DENND1A: variants seen among roughly 807,000 people sequenced by gnomAD.
The protein encoded by DENND1A is DENN domain-containing protein 1A.
Under a neutral mutation model 113.7 loss-of-function variants are expected in DENND1A, and 51 were observed. That is an observed-to-expected ratio of 0.45 (90% CI 0.36 to 0.57). The LOEUF (loss-of-function observed/expected upper bound fraction) is 0.57, where lower values mean the gene tolerates loss of function less well. Among genes scored for constraint, DENND1A ranks in the 20% least tolerant of loss-of-function variants. The pLI is 0.00. For synonymous variants in DENND1A, 565 were observed against 570.8 expected (o/e 0.99, Z 0.14); for missense variants, 1,258 against 1,395.9 (o/e 0.90, Z 1.57).
chr9:123,854,538 T>C (rs552746070), intron 2 of DENND1A, among the ~76,000 whole-genome samples: 3 of 151,700 alleles, frequency 2.0e-5, no homozygotes, highest in South Asian at 4.2e-4. Flanking sequence ...CTACTAAAAA[T>C]ACAAAAATTA....
chr9:123,489,363 T>C (rs777896478), intron 13 of DENND1A, among the ~76,000 whole-genome samples: 4 of 152,196 alleles, frequency 2.6e-5, no homozygotes, highest in Non-Finnish European at 5.9e-5. Flanking sequence ...ATCCTGGCAC[T>C]GAGTAGATGA....
At chr9:123,484,567 A>C (rs1336922669) in intron 13 of DENND1A, among the ~76,000 whole-genome samples, 2 of 152,038 alleles carry the variant, frequency 1.3e-5, no homozygotes, top group African/African-American at 4.8e-5. Flanking sequence ...TGCATTTAGG[A>C]CCCTGCCCCG....
chr9:123,436,565 C>T lies in DENND1A; in HGVS notation c.1488+3795G>A, dbSNP rs183642061. ...AGTAATTTAAAGCCTCTCTAAACTGCGACATCTTCCAAGGCAGGAATAGGC... is the reference window on the plus strand; with the variant it reads ...AGTAATTTAAAGCCTCTCTAAACTGTGACATCTTCCAAGGCAGGAATAGGC... On this transcript the variant is annotated intron_variant, in intron 19 of 23. Coordinates refer to ENST00000394215, the MANE Select transcript of DENND1A (RefSeq NM_001352964.2). 7.2e-4 allele frequency among the ~76,000 whole-genome samples: 109 copies of T among 152,230 alleles called. 2 individuals carry two copies. The highest frequency in any genetic ancestry group is 2.8e-4 in the Non-Finnish European group (19 of 68,004).
chr9:123,387,551 G>A (rs1342267735), intron 22 of DENND1A, among the ~76,000 whole-genome samples, 179 bp downstream of exon 22: 1 of 152,202 alleles, frequency 6.6e-6, no homozygotes, highest in Non-Finnish European at 1.5e-5. Flanking sequence ...GATGCCCTGA[G>A]AGGTGGCACG....
intron 13 of DENND1A, among the ~76,000 whole-genome samples, chr9:123,544,110 C>T (rs936278519): frequency 3.3e-5 from 5 of 152,136 alleles, no homozygotes; most frequent in African/African-American, 1.2e-4. Context: ...CAATAATTTG[C>T]TTTTGTAAAA....
intron 13 of DENND1A, among the ~76,000 whole-genome samples, chr9:123,464,992 T>C (rs1372579327): frequency 5.2e-5 from 1 of 19,346 alleles, no homozygotes; most frequent in Non-Finnish European, 1.1e-4. Flanking sequence ...CTACTAAAAA[T>C]ACAAAAAAAA....
chr9:123,584,842 A>T (rs1031879471), intron 11 of DENND1A, among the ~76,000 whole-genome samples: 1 of 151,930 alleles, frequency 6.6e-6, no homozygotes, highest in Admixed American at 6.6e-5. Flanking sequence ...GAGCCCCAGC[A>T]CCTCTCTGCC....
intron 2 of DENND1A, among the ~76,000 whole-genome samples, chr9:123,820,823 T>C (rs1385007618): frequency 1.3e-5 from 2 of 152,244 alleles, no homozygotes; most frequent in African/African-American, 2.4e-5. Context: ...GATTTTCTTG[T>C]GGAGCTTCAA....
chr9:123,686,556 A>G (rs1053690016), intron 5 of DENND1A, among the ~76,000 whole-genome samples: 1 of 152,212 alleles, frequency 6.6e-6, no homozygotes, highest in Admixed American at 6.5e-5. Context: ...CTCCAGGGAC[A>G]CTAGTCATGT....
At chr9:123,427,243 G>A (rs888858210) in intron 19 of DENND1A, among the ~76,000 whole-genome samples, 4 of 152,238 alleles carry the variant, frequency 2.6e-5, no homozygotes, top group South Asian at 4.1e-4. Context: ...CACTCACCAC[G>A]AGAATGTTAG....
intron 1 of DENND1A, among the ~76,000 whole-genome samples, chr9:123,914,601 G>A (rs1854733719): frequency 6.6e-6 from 1 of 151,464 alleles, no homozygotes; most frequent in African/African-American, 2.4e-5. Flanking sequence ...AAGAAAAGAG[G>A]TTTAATTGGC....
At chr9:123,770,252 A>C (rs1829513808) in intron 3 of DENND1A, among the ~76,000 whole-genome samples, 1 of 152,194 alleles carries the variant, frequency 6.6e-6, no homozygotes, top group African/African-American at 2.4e-5. Context: ...ATCTAAAGCA[A>C]ACTACCAGTT....
chr9:123,452,921 A>G (rs1270075924), intron 16 of DENND1A, among the ~76,000 whole-genome samples: 8 of 152,130 alleles, frequency 5.3e-5, no homozygotes, highest in Non-Finnish European at 1.5e-5. Flanking sequence ...TGAAAAAAGG[A>G]AAGAATGAAT....
intron 13 of DENND1A, among the ~76,000 whole-genome samples, chr9:123,518,533 T>C (rs1020067652): frequency 6.6e-6 from 1 of 152,188 alleles, no homozygotes; most frequent in Non-Finnish European, 1.5e-5. Context: ...CTCAGCTAAA[T>C]GCTGTGACCC....
At chr9:123,544,843 A>T (rs1042711305) in intron 13 of DENND1A, among the ~76,000 whole-genome samples, 3 of 152,138 alleles carry the variant, frequency 2.0e-5, no homozygotes, top group Non-Finnish European at 4.4e-5. Flanking sequence ...TCACGCCTGT[A>T]ATCCCAGCAC....
chr9:123,436,180 A>G (rs2132233369), intron 19 of DENND1A, among the ~76,000 whole-genome samples: 1 of 152,210 alleles, frequency 6.6e-6, no homozygotes, highest in Non-Finnish European at 1.5e-5. Flanking sequence ...CTCTTGTTCA[A>G]CCCCTCCCAG....
At chr9:123,704,493 A>G (rs1269539276) in intron 5 of DENND1A, among the ~76,000 whole-genome samples, 1 of 152,208 alleles carries the variant, frequency 6.6e-6, no homozygotes, top group African/African-American at 2.4e-5. Context: ...AAATTCACCC[A>G]TCGTGGTCTC....
chr9:123,483,119 G>C (rs549013543), intron 13 of DENND1A, among the ~76,000 whole-genome samples: 17 of 152,294 alleles, frequency 1.1e-4, no homozygotes, highest in Admixed American at 3.3e-4. Context: ...GGCTTTAGGA[G>C]ACAAGAGTTG....
chr9:123,643,189 T>G (rs576329536), intron 9 of DENND1A, among the ~76,000 whole-genome samples: 3 of 152,210 alleles, frequency 2.0e-5, no homozygotes, highest in Admixed American at 2.0e-4. Flanking sequence ...CCTGCCCAGC[T>G]CCCACATGCC....
Sources: allele counts gnomAD v4.1 joint callset (sites outside exome capture counted in the v4.1 genomes callset), GRCh38; gene constraint gnomAD v4.1.1; transcripts MANE v1.5; gene names NCBI Gene and HGNC (gene_info 2026-07-23, HGNC 2026-07-21).